LRMDA: variants seen among roughly 807,000 people sequenced by gnomAD.
LRMDA encodes leucine-rich melanocyte differentiation-associated protein.
A neutral mutation model predicts 29.8 loss-of-function variants in LRMDA; 18 were observed. The ratio of observed to expected loss-of-function variants is 0.60; its 90% confidence interval spans 0.42 to 0.90. LRMDA has a LOEUF of 0.90. LRMDA is among the 40% of genes least tolerant of loss of function. LRMDA has a pLI of 0.00. For synonymous variants in LRMDA, 125 were observed against 109.4 expected (o/e 1.14, Z -0.89); for missense variants, 273 against 273.9 (o/e 1.00, Z 0.02).
intron 5 of LRMDA, among the ~76,000 whole-genome samples, chr10:76,293,214 C>T (rs1840371279): frequency 6.6e-6 from 1 of 152,198 alleles, no homozygotes. Context: ...CTCCTGGCCT[C>T]AAGTGATCTG....
intron 2 of LRMDA, among the ~76,000 whole-genome samples, chr10:75,751,082 G>C (rs912348815): frequency 6.6e-6 from 1 of 152,250 alleles, no homozygotes; most frequent in African/African-American, 2.4e-5. Flanking sequence ...CGGAGTCTGA[G>C]GCGGGCAGAT....
At position 76,336,648 on chromosome 10, in the gene LRMDA, T is replaced by A. The variant is rs1414638702; in HGVS notation, c.601+12163T>A. Among the ~76,000 whole-genome samples, 4 of 152,188 alleles carry A rather than the reference T, an allele frequency of 2.6e-5. No individual in the cohort carries two copies. The East Asian group carries it at 5.8e-4, about 22-fold the overall frequency. On this transcript the variant is annotated intron_variant, in intron 6 of 6. Coordinates refer to ENST00000611255, the MANE Select transcript of LRMDA (RefSeq NM_001305581.2). ...ACTGCCCAGAGGTCCCAATTTAAAT[T>A]GCTGCTTCCCCAACTCTATTCCCAC...
intron 5 of LRMDA, among the ~76,000 whole-genome samples, chr10:76,063,698 C>T (rs943227333): frequency 1.3e-5 from 2 of 152,148 alleles, no homozygotes; most frequent in Admixed American, 6.5e-5. Context: ...TTCCCCTAAA[C>T]TGAAAATTGG....
rs535841539 is a variant in LRMDA at position 75,901,493 on chromosome 10, A to G, written c.132-134515A>G. ...TGTGTGTGTCTTTGTCACATCTTTT[A>G]TCATCATGACTGCTTTTCCAAATAA... On this transcript the variant is annotated intron_variant, in intron 2 of 6. Transcript: ENST00000611255. Among the ~76,000 whole-genome samples, 14 of 152,338 alleles carry G rather than the reference A, an allele frequency of 9.2e-5. No individual in the cohort carries two copies. The South Asian group carries it at 2.7e-3, about 29-fold the overall frequency.
intron 6 of LRMDA, among the ~76,000 whole-genome samples, chr10:76,550,814 C>T (rs1394033843): frequency 6.6e-6 from 1 of 152,126 alleles, no homozygotes; most frequent in Non-Finnish European, 1.5e-5. Flanking sequence ...AATCCCTTCC[C>T]CTAAGACCTT....
chr10:75,727,985 A>T (rs1234511282), intron 2 of LRMDA, among the ~76,000 whole-genome samples: 1 of 152,152 alleles, frequency 6.6e-6, no homozygotes. Flanking sequence ...GAAAGAGAAC[A>T]TATTTTTTTG....
chr10:76,406,502 C>A (rs1358947942), intron 6 of LRMDA, among the ~76,000 whole-genome samples: 1 of 152,210 alleles, frequency 6.6e-6, no homozygotes, highest in Admixed American at 6.5e-5. Context: ...CCTCTATGTT[C>A]TAAAGACAAA....
chr10:75,816,214 A>G (rs1253491753), intron 2 of LRMDA, among the ~76,000 whole-genome samples: 1 of 152,152 alleles, frequency 6.6e-6, no homozygotes, highest in Non-Finnish European at 1.5e-5. Flanking sequence ...ACATAGTGCT[A>G]TGGTGGACAA....
rs1852479749 is a variant in LRMDA, at chr10:76,251,358, T to C, written c.517-73043T>C. 2.0e-5 allele frequency among the ~76,000 whole-genome samples: 3 copies of C among 146,902 alleles called. No individual in the cohort carries two copies. In the South Asian group the frequency reaches 6.8e-4, roughly 34 times the overall value. ...AGCTCCGCTTCCCGGGTTCACGCCA[T>C]TCTCCTGCCTCAGCCTCCCGAGTAG... On this transcript the variant is annotated intron_variant, in intron 5 of 6. Coordinates refer to ENST00000611255, the MANE Select transcript of LRMDA (RefSeq NM_001305581.2).
chr10:76,048,008 C>A (rs920473105), intron 4 of LRMDA, among the ~76,000 whole-genome samples: 1 of 152,162 alleles, frequency 6.6e-6, no homozygotes, highest in Non-Finnish European at 1.5e-5. Flanking sequence ...CCCATTTTAC[C>A]AAAGTCACCT....
At chr10:76,389,540 T>C (rs868173012) in intron 6 of LRMDA, among the ~76,000 whole-genome samples, 1 of 152,190 alleles carries the variant, frequency 6.6e-6, no homozygotes, top group Non-Finnish European at 1.5e-5. Context: ...GTTAAGTACC[T>C]TCACATTGTG....
chr10:76,375,610 G>A (rs1461914001), intron 6 of LRMDA, among the ~76,000 whole-genome samples: 2 of 152,116 alleles, frequency 1.3e-5, no homozygotes, highest in African/African-American at 4.8e-5. Flanking sequence ...GTCCATCAAA[G>A]CAGGCATGTG....
chr10:75,904,426 C>T (rs1845726315), intron 2 of LRMDA, among the ~76,000 whole-genome samples: 1 of 152,084 alleles, frequency 6.6e-6, no homozygotes, highest in Admixed American at 6.5e-5. Flanking sequence ...GAATTTTCCC[C>T]CTGGTTTTGT....
chr10:76,217,586 T>A (rs1851751255), intron 5 of LRMDA, among the ~76,000 whole-genome samples: 1 of 152,206 alleles, frequency 6.6e-6, no homozygotes, highest in Non-Finnish European at 1.5e-5. Flanking sequence ...AGGAGGGTAC[T>A]CACACTGTGA....
intron 2 of LRMDA, among the ~76,000 whole-genome samples, chr10:75,629,378 A>G (rs1390483660): frequency 6.6e-6 from 1 of 151,638 alleles, no homozygotes; most frequent in African/African-American, 2.4e-5. Context: ...TCCTTTCTGG[A>G]TTTAAGAAAG....
intron 2 of LRMDA, among the ~76,000 whole-genome samples, chr10:75,960,259 G>A (rs969755142): frequency 1.3e-5 from 2 of 152,192 alleles, no homozygotes; most frequent in African/African-American, 2.4e-5. Context: ...CCCATGGATA[G>A]GCATATTTAG....
chr10:75,471,028 C>G (rs989278838), intron 2 of LRMDA, among the ~76,000 whole-genome samples: 2 of 152,194 alleles, frequency 1.3e-5, no homozygotes. Flanking sequence ...GAGCTCAGAG[C>G]TTGCTTCTGG....
chr10:76,427,194 C>G (rs1174198632), intron 6 of LRMDA, among the ~76,000 whole-genome samples: 1 of 150,900 alleles, frequency 6.6e-6, no homozygotes, highest in East Asian at 1.9e-4. Context: ...TTACCTTGGG[C>G]AGTATGGCCA....
intron 2 of LRMDA, among the ~76,000 whole-genome samples, chr10:75,867,943 CACCAAA>C (rs1447891859): frequency 1.2e-4 from 19 of 152,164 alleles, no homozygotes; most frequent in Non-Finnish European, 2.9e-5. Flanking sequence ...GTGTTATGGA[CACCAAA>C]ATTTGAATTT....
Sources: gnomAD v4.1 joint callset for allele counts (sites outside exome capture counted in the v4.1 genomes callset) on GRCh38, gnomAD v4.1.1 for gene constraint, MANE v1.5 for transcripts, NCBI Gene and HGNC (gene_info 2026-07-23, HGNC 2026-07-21) for gene names.